The following ALPK2 variants were observed in gnomAD, a reference collection of about 807,000 sequenced individuals.
ALPK2 encodes alpha kinase 2, also known as alpha-protein kinase 2.
Under a neutral mutation model 163.1 loss-of-function variants are expected in ALPK2, and 127 were observed. The ratio of observed to expected loss-of-function variants is 0.78; its 90% CI spans 0.67 to 0.90. The LOEUF (loss-of-function observed/expected upper bound fraction) is 0.90, where lower values mean the gene tolerates loss of function less well. ALPK2 is among the 40% of genes least tolerant of loss of function. The probability of loss-of-function intolerance (pLI) is 0.00; values close to 1 mark genes in which losing one functional copy is unlikely to be tolerated. For synonymous variants in ALPK2, 953 were observed against 959.1 expected (o/e 0.99, Z 0.12); for missense variants, 2,360 against 2,589.6 (o/e 0.91, Z 1.92).
intron 10 of ALPK2, among the ~76,000 whole-genome samples, chr18:58,505,379 G>A (rs34369442): frequency 0.22 from 33,975 of 151,780 alleles, 4,310 homozygotes; most frequent in South Asian, 0.42. Flanking sequence ...GGTTTAGGAG[G>A]ACCTCTAAGT....
rs372787714 is a variant in ALPK2 at position 58,529,086 on chromosome 18, C to T, written c.5501+5G>A. The T allele has an allele frequency of 1.4e-4, 234 of 1,614,022 alleles. 2 individuals are homozygous for T. In the African/African-American group the frequency reaches 2.9e-3, roughly 20 times the overall value. On this transcript the variant is annotated splice_donor_5th_base_variant and intron_variant, in intron 6 of 12. Coordinates refer to ENST00000361673, the MANE Select transcript of ALPK2 (RefSeq NM_052947.4). Reference sequence around the variant, plus strand: ...GTGAAAAGTAACCAGGGAAAAACATCGCACCTTCTCTGCACTTGGGCTATG... The same window carrying T: ...GTGAAAAGTAACCAGGGAAAAACATTGCACCTTCTCTGCACTTGGGCTATG...
chr18:58,499,628 A>C (rs2051421265), intron 11 of ALPK2, among the ~76,000 whole-genome samples: 1 of 152,228 alleles, frequency 6.6e-6, no homozygotes, highest in South Asian at 2.1e-4. Flanking sequence ...TTACCCGTGC[A>C]ATCTAGTGAT....
chr18:58,579,140 G>A lies in ALPK2; in HGVS notation c.1636C>T (p.Pro546Ser). The change falls in exon 4 of 13, where the codon CCC (proline) becomes TCC (serine). Residue 546 changes from proline (P) to serine (S), a missense_variant. Physicochemically the swap from Pro to Ser is moderately conservative, Grantham distance 74 (BLOSUM62 -1). Coordinates refer to ENST00000361673, the MANE Select transcript of ALPK2 (RefSeq NM_052947.4). ...RVRQPGMKGN[P>S]KKPNANLRES... ...CTCAGGTTGGCATTCGGCTTCTTGG[G>A]ATTTCCCTTCATTCCCGGCTGCCTC... 6.2e-7 allele frequency: 1 copy of A among 1,614,136 alleles called. No individual in the cohort carries two copies. Among genetic ancestry groups the A allele is most frequent in the Non-Finnish European group, 8.5e-7 (1 of 1,180,026 alleles).
chr18:58,554,107 G>T (rs1221223246), intron 4 of ALPK2, among the ~76,000 whole-genome samples: 1 of 152,182 alleles, frequency 6.6e-6, no homozygotes, highest in East Asian at 1.9e-4. Flanking sequence ...GTGATCCGCT[G>T]CCTCGGCCTC....
At chr18:58,598,306 C>T (rs564493691) in intron 3 of ALPK2, among the ~76,000 whole-genome samples, 9 of 152,374 alleles carry the variant, frequency 5.9e-5, no homozygotes, top group Non-Finnish European at 1.2e-4. Flanking sequence ...CTGAGACTGG[C>T]TCAGCATTGT....
At chr18:58,541,674 T>C (rs541168339) in intron 4 of ALPK2, among the ~76,000 whole-genome samples, 1 of 152,342 alleles carries the variant, frequency 6.6e-6, no homozygotes, top group Admixed American at 6.5e-5. Context: ...ATAACAGAGA[T>C]TGCTGGCCTG....
chr18:58,541,664 A>G (rs1408325926), intron 4 of ALPK2, among the ~76,000 whole-genome samples: 1 of 152,248 alleles, frequency 6.6e-6, no homozygotes, highest in East Asian at 1.9e-4. Flanking sequence ...ATCAATGAAC[A>G]TAACAGAGAT....
intron 3 of ALPK2, among the ~76,000 whole-genome samples, chr18:58,593,459 G>T (rs971474710): frequency 6.6e-6 from 1 of 151,238 alleles, no homozygotes; most frequent in Admixed American, 6.6e-5. Context: ...AGCTACTTGG[G>T]TGGCTGAGGC....
At chr18:58,531,201 A>C (rs1462947144) in intron 5 of ALPK2, among the ~76,000 whole-genome samples, 1 of 152,144 alleles carries the variant, frequency 6.6e-6, no homozygotes, top group African/African-American at 2.4e-5. Flanking sequence ...TCTCTAAAGT[A>C]ATAATAATAA....
intron 5 of ALPK2, among the ~76,000 whole-genome samples, chr18:58,529,842 T>G (rs1165353002): frequency 6.6e-6 from 1 of 152,234 alleles, no homozygotes; most frequent in Non-Finnish European, 1.5e-5. Flanking sequence ...TTCCCACTGG[T>G]TGGGCTGAGA....
At chr18:58,546,418 T>A (rs2051717977) in intron 4 of ALPK2, among the ~76,000 whole-genome samples, 1 of 152,170 alleles carries the variant, frequency 6.6e-6, no homozygotes, top group South Asian at 2.1e-4. Flanking sequence ...GGTGACATGG[T>A]ACGAGTGGAA....
intron 12 of ALPK2, among the ~76,000 whole-genome samples, chr18:58,485,227 C>T (rs2051332520): frequency 6.6e-6 from 1 of 152,184 alleles, no homozygotes; most frequent in African/African-American, 2.4e-5. Context: ...AAAAAGAAGT[C>T]TGTAATGCTG....
intron 11 of ALPK2, among the ~76,000 whole-genome samples, chr18:58,502,520 G>A (rs368040280): frequency 3.1e-4 from 47 of 152,332 alleles, no homozygotes; most frequent in African/African-American, 9.6e-4. Flanking sequence ...GCTGGAAGTG[G>A]CAGTGCAGGG....
Position 58,537,201 on chromosome 18 carries a change from T to C in ALPK2, c.2986A>G (p.Asn996Asp). Residue 996 changes from asparagine (N) to aspartate (D), a missense_variant, in exon 5 of 13, where the codon AAT becomes GAT. Transcript: ENST00000361673. ...TCCCTGGTCGCTTGAAAGCACTCAT[T>C]ATTAGCAGTTAATGTTGTTGGCTTC... is the stretch of plus-strand genomic sequence containing the variant. ...WEKPTTLTAN[N>D]ECFQATRETE... 1 of 1,614,140 alleles carries C rather than the reference T, an allele frequency of 6.2e-7. No individual in the cohort carries two copies.
At chr18:58,568,653 T>C (rs1345317837) in intron 4 of ALPK2, among the ~76,000 whole-genome samples, 5 of 152,204 alleles carry the variant, frequency 3.3e-5, no homozygotes, top group African/African-American at 1.2e-4. Flanking sequence ...CCAAGAGATT[T>C]GGGGAAAAAT....
intron 4 of ALPK2, chr18:58,545,215 T>G (rs2051711147): frequency 1.1e-5 from 1 of 88,542 alleles, no homozygotes; most frequent in African/African-American, 4.7e-5. Context: ...AGACTTCTTG[T>G]GAACTACAAA....
intron 1 of ALPK2, among the ~76,000 whole-genome samples, chr18:58,617,313 A>G (rs1185648073): frequency 6.6e-6 from 1 of 152,026 alleles, no homozygotes; most frequent in Non-Finnish European, 1.5e-5. Flanking sequence ...CAGCCTCCTG[A>G]GTAGCTGGGA....
intron 4 of ALPK2, among the ~76,000 whole-genome samples, chr18:58,569,119 T>A (rs181920761): frequency 1.5e-3 from 234 of 152,106 alleles, no homozygotes; most frequent in Non-Finnish European, 1.8e-3. Context: ...GAGCCTGAGG[T>A]GGGAGGATCA....
At position 58,517,078 on chromosome 18, in the gene ALPK2, G is replaced by A. The variant is rs763131723; in HGVS notation, c.5770C>T (p.His1924Tyr). 6.2e-7 allele frequency: 1 copy of A among 1,614,262 alleles called. No homozygotes were observed. The highest frequency in any genetic ancestry group is 8.5e-7 in the Non-Finnish European group (1 of 1,180,036). ...TTGCGGTGAACCCCTTCTCCAAAGT[G>A]CAGCTCCTCCGTGGCGATCTGACCA... ...LRGQIATEEL[H>Y]FGEGVHRKAF... The change falls in exon 9 of 13, where the codon CAC becomes TAC. Residue 1924 changes from histidine (H) to tyrosine (Y), a missense_variant. His to Tyr is a moderately conservative substitution (Grantham distance 83). Coordinates refer to ENST00000361673, the MANE Select transcript of ALPK2 (RefSeq NM_052947.4).
Sources: gnomAD v4.1 joint callset for allele counts (sites outside exome capture counted in the v4.1 genomes callset) on GRCh38, gnomAD v4.1.1 for gene constraint, MANE v1.5 for transcripts, NCBI Gene and HGNC (gene_info 2026-07-23, HGNC 2026-07-21) for gene names.